Variants in LHPP observed in about 807,000 individuals in gnomAD.
LHPP encodes phospholysine phosphohistidine inorganic pyrophosphate phosphatase.
Under a neutral mutation model 30.3 loss-of-function variants are expected in LHPP, and 24 were observed. That is an observed-to-expected ratio of 0.79 (90% CI 0.57 to 1.11). LHPP has a LOEUF of 1.11. Among genes scored for constraint, LHPP ranks in the 50% most tolerant of loss-of-function variants. The pLI is 0.00. For synonymous variants in LHPP, 150 were observed against 157.1 expected, an observed-to-expected ratio of 0.95 and a Z score of 0.34; for missense variants, 356 against 367.2, an observed-to-expected ratio of 0.97 and a Z score of 0.25.
At chr10:124,501,329 C>T (rs1320054111) in intron 5 of LHPP, among the ~76,000 whole-genome samples, 1 of 151,718 alleles carries the variant, frequency 6.6e-6, no homozygotes, top group East Asian at 1.9e-4. Context: ...GGGCCGGGCA[C>T]AGCAGCTCAC....
At chr10:124,594,198 T>C (rs1948914553) in intron 6 of LHPP, among the ~76,000 whole-genome samples, 1 of 151,724 alleles carries the variant, frequency 6.6e-6, no homozygotes, top group Non-Finnish European at 1.5e-5. Context: ...GGCATGATGG[T>C]GCATGCCTAT....
chr10:124,490,596 C>A, intron 3 of LHPP: 1 of 250,908 alleles, frequency 4.0e-6, no homozygotes, highest in South Asian at 4.9e-5. Context: ...GCTGTAGGGT[C>A]CAGGTCCGGG....
At chr10:124,587,331 G>A (rs1001599172) in intron 6 of LHPP, among the ~76,000 whole-genome samples, 1 of 150,648 alleles carries the variant, frequency 6.6e-6, no homozygotes, top group Non-Finnish European at 1.5e-5. Flanking sequence ...CACCGCGCCC[G>A]GCCTCCACTT....
chr10:124,463,945 T>C lies in LHPP; in HGVS notation c.125+1958T>C, dbSNP rs370710261. The stretch of plus-strand genomic sequence containing the variant: ...GATCCTCCCACCTCAGCCTCCCAAG[T>C]AGCTGGAACTACAGGCACGTGCCAC... On this transcript the variant is annotated intron_variant, in intron 1 of 6. Transcript: ENST00000368842. 4.0e-5 allele frequency among the ~76,000 whole-genome samples: 6 copies of C among 151,836 alleles called. No individual in the cohort carries two copies. In the East Asian group the frequency reaches 1.2e-3, roughly 30 times the overall value.
chr10:124,560,963 C>T (rs1039958162), intron 6 of LHPP, among the ~76,000 whole-genome samples: 10 of 152,212 alleles, frequency 6.6e-5, no homozygotes, highest in South Asian at 2.1e-4. Context: ...AAACCCTGGA[C>T]GTCAGTTATG....
At position 124,484,437 on chromosome 10, in the gene LHPP, C is replaced by T. The variant is rs992219072; in HGVS notation, c.313+111C>T. The T allele has an allele frequency of 3.3e-4, 344 of 1,045,448 alleles. 3 individuals are homozygous for T. The highest frequency in any genetic ancestry group is 3.2e-4 in the South Asian group (21 of 65,928). The allele number at this position is 1,045,448 out of a possible 1,614,324, so 64.8% of individuals were successfully genotyped here. ...GGCCAAACCACTGACTGAGCTAGGC[C>T]ACCAACACTCATGGGTTGGGGGTAA... On this transcript the variant is annotated intron_variant, in intron 2 of 6. Coordinates refer to ENST00000368842, the MANE Select transcript of LHPP (RefSeq NM_022126.4).
At chr10:124,565,991 C>T (rs924425752) in intron 6 of LHPP, among the ~76,000 whole-genome samples, 1 of 152,238 alleles carries the variant, frequency 6.6e-6, no homozygotes, top group East Asian at 1.9e-4. Flanking sequence ...GGGCCTTTGC[C>T]GAGGTGGGCC....
At chr10:124,492,180 TTTG>T (rs1953552740) in intron 3 of LHPP, among the ~76,000 whole-genome samples, 1 of 152,226 alleles carries the variant, frequency 6.6e-6, no homozygotes, top group Non-Finnish European at 1.5e-5. Context: ...TCGTGTGCCA[TTTG>T]TTGTTTTTTT....
chr10:124,543,448 G>A (rs1268218921), intron 6 of LHPP, among the ~76,000 whole-genome samples: 1 of 152,276 alleles, frequency 6.6e-6, no homozygotes, highest in Non-Finnish European at 1.5e-5. Context: ...GAACGGCAGA[G>A]GTGCCCTGGG....
At chr10:124,522,237 C>T (rs566525266) in intron 6 of LHPP, among the ~76,000 whole-genome samples, 2 of 152,276 alleles carry the variant, frequency 1.3e-5, no homozygotes, top group East Asian at 3.9e-4. Context: ...AGCCAGGGGG[C>T]GGCCCTCACC....
rs1955437257 is a variant in LHPP, at chr10:124,549,895, C to T, written c.716+32624C>T. On this transcript the variant is annotated intron_variant, in intron 6 of 6. Coordinates refer to ENST00000368842, the MANE Select transcript of LHPP (RefSeq NM_022126.4). ...CTGTAAATGGGGGTGGCAATGCCTACTTAGTTGAATGTTAAATAAAATGAA... is the reference window on the plus strand; with the variant it reads ...CTGTAAATGGGGGTGGCAATGCCTATTTAGTTGAATGTTAAATAAAATGAA... 2.0e-5 allele frequency among the ~76,000 whole-genome samples: 3 copies of T among 152,270 alleles called. No individual in the cohort carries two copies. In the South Asian group the frequency reaches 6.2e-4, roughly 31 times the overall value.
intron 6 of LHPP, among the ~76,000 whole-genome samples, chr10:124,604,594 C>G (rs1471307723): frequency 1.3e-5 from 2 of 152,176 alleles, no homozygotes; most frequent in Non-Finnish European, 1.5e-5. Context: ...CCCCCAGGCC[C>G]CCGGGGGTCT....
At chr10:124,534,571 C>T (rs946713769) in intron 6 of LHPP, among the ~76,000 whole-genome samples, 21 of 152,256 alleles carry the variant, frequency 1.4e-4, no homozygotes, top group Non-Finnish European at 2.4e-4. Context: ...CACTTCACCC[C>T]TGCATGCTTC....
rs1834317534 is a variant in LHPP at position 124,596,170 on chromosome 10, G to C, written c.717-17094G>C. 6.6e-6 allele frequency among the ~76,000 whole-genome samples: 1 copy of C among 152,004 alleles called. No homozygotes were observed. Among genetic ancestry groups the C allele is most frequent in the Admixed American group, 6.6e-5 (1 of 15,256 alleles). On this transcript the variant is annotated intron_variant, in intron 6 of 6. Coordinates refer to ENST00000368842, the MANE Select transcript of LHPP (RefSeq NM_022126.4). This position sits in a 1 kb window ranked among gnomAD's most constrained non-coding sequence, Gnocchi z 4.6. ...ATCATGTCACTGTTGCTGTCACATG[G>C]GCTGTTTCTGGCTTGGGGTCCTTAT...
intron 6 of LHPP, among the ~76,000 whole-genome samples, chr10:124,607,310 C>A (rs1032104971): frequency 6.6e-6 from 1 of 152,224 alleles, no homozygotes; most frequent in Non-Finnish European, 1.5e-5. Context: ...GCTTTGGGGC[C>A]ACCAGGCCAG....
In LHPP at chr10:124,505,909, C is replaced by T. The variant is rs1484642737; in HGVS notation, c.624+7781C>T. 4.6e-5 allele frequency among the ~76,000 whole-genome samples: 7 copies of T among 152,258 alleles called. No individual in the cohort carries two copies. In the East Asian group the frequency reaches 1.4e-3, roughly 29 times the overall value. ...AGGAGCCTGAAGCTTAGAGATGAAA[C>T]ACCTTGTCATAGGCGCTTTGCATTC... is the stretch of plus-strand genomic sequence containing the variant. On this transcript the variant is annotated intron_variant, in intron 5 of 6. Transcript: ENST00000368842.
At chr10:124,495,985 T>C (rs1278876786) in intron 3 of LHPP, among the ~76,000 whole-genome samples, 1 of 152,224 alleles carries the variant, frequency 6.6e-6, no homozygotes. Context: ...CAAGTCAGCA[T>C]GCGCTCTTCT....
chr10:124,502,190 T>C (rs951687736), intron 5 of LHPP, among the ~76,000 whole-genome samples: 2 of 151,912 alleles, frequency 1.3e-5, no homozygotes, highest in Non-Finnish European at 2.9e-5. Context: ...ACAAGGCGGT[T>C]AGCTAACCTA....
chr10:124,596,413 G>A lies in LHPP; in HGVS notation c.717-16851G>A, dbSNP rs1211571286. Among the ~76,000 whole-genome samples the A allele has an allele frequency of 1.3e-5, 2 of 152,182 alleles. No homozygotes were observed. Among genetic ancestry groups the A allele is most frequent in the African/African-American group, 2.4e-5 (1 of 41,446 alleles). ...TAGCACCATGTCTTCTGCAGCACAC[G>A]ATGTGGCCGGACCTCTCCACGCTGG... On this transcript the variant is annotated intron_variant, in intron 6 of 6. Coordinates refer to ENST00000368842, the MANE Select transcript of LHPP (RefSeq NM_022126.4). The surrounding 1 kb of genome is among the most constrained non-coding windows in gnomAD (Gnocchi z 4.6).
Sources: allele counts gnomAD v4.1 joint callset (sites outside exome capture counted in the v4.1 genomes callset), GRCh38; gene constraint gnomAD v4.1.1; non-coding constraint Gnocchi (gnomAD v3.1); transcripts MANE v1.5; gene names NCBI Gene and HGNC (gene_info 2026-07-23, HGNC 2026-07-21).